The following TMEM26 variants were observed in gnomAD, a reference collection of about 807,000 sequenced individuals.
The protein encoded by TMEM26 is transmembrane protein 26.
TMEM26 carries 38 observed loss-of-function variants against 28.8 expected under a neutral mutation model. The observed-to-expected ratio is 1.32, with a 90% CI of 1.02 to 1.73. TMEM26 has a LOEUF of 1.73. TMEM26 is among the 40% of genes most tolerant of loss of function. The pLI is 0.00. For synonymous variants in TMEM26, 227 were observed against 182.9 expected (o/e 1.24, Z -1.95); for missense variants, 518 against 447.1 (o/e 1.16, Z -1.43).
At chr10:61,452,804 G>T (rs1278107217) in intron 1 of TMEM26, 87 bp downstream of exon 1, 2 of 1,459,574 alleles carry the variant, frequency 1.4e-6, no homozygotes, top group African/African-American at 1.4e-5. Flanking sequence ...AGTAGAATCT[G>T]CGGGTTGCGG....
intron 1 of TMEM26, among the ~76,000 whole-genome samples, chr10:61,440,931 A>G (rs183686282): frequency 6.6e-6 from 1 of 152,214 alleles, no homozygotes; most frequent in Non-Finnish European, 1.5e-5. Context: ...TAGTATTTGC[A>G]TATAACCTAT....
intron 4 of TMEM26, among the ~76,000 whole-genome samples, chr10:61,419,764 T>C (rs1022177606): frequency 3.3e-5 from 5 of 151,960 alleles, no homozygotes; most frequent in African/African-American, 1.2e-4. Flanking sequence ...GAGGAGAAAA[T>C]ATTTAGAGAA....
At chr10:61,423,503 A>G (rs1211999874) in intron 4 of TMEM26, among the ~76,000 whole-genome samples, 2 of 152,216 alleles carry the variant, frequency 1.3e-5, no homozygotes, top group Non-Finnish European at 2.9e-5. Flanking sequence ...TATCACTTTT[A>G]GAGGCTTAGG....
rs149745737 is a variant in TMEM26 at position 61,436,151 on chromosome 10, A to G, written c.270+19T>C. The G allele has an allele frequency of 2.0e-5, 31 of 1,528,578 alleles. No individual in the cohort carries two copies. The East Asian group carries it at 6.8e-4, about 33-fold the overall frequency. 94.7% of individuals were successfully genotyped at this position (1,528,578 alleles called of 1,614,324 possible). A position where few individuals can be genotyped will look rare whatever the true frequency, so the allele number is the denominator to read the frequency against. ...CTTATTGCTGAATAGGTCAATTCCT[A>G]CTTTCCAAAAAGAAGTACCTGGGTC... On this transcript the variant is annotated intron_variant, in intron 2 of 5. Transcript: ENST00000399298.
At chr10:61,428,663 C>T (rs1055533197) in intron 4 of TMEM26, among the ~76,000 whole-genome samples, 2 of 152,054 alleles carry the variant, frequency 1.3e-5, no homozygotes, top group Non-Finnish European at 1.5e-5. Flanking sequence ...GTCATGAAAA[C>T]ATGCAGAGCT....
At chr10:61,429,167 A>G in intron 3 of TMEM26, 21 bp from the exon 4 acceptor site, 2 of 1,597,028 alleles carry the variant, frequency 1.3e-6, no homozygotes, top group Admixed American at 1.7e-5. Flanking sequence ...GAAATGTCAT[A>G]CAGACAGGAT....
chr10:61,426,955 A>C, intron 4 of TMEM26, among the ~76,000 whole-genome samples: 1 of 151,998 alleles, frequency 6.6e-6, no homozygotes, highest in South Asian at 2.1e-4. Context: ...TATCCTTCCT[A>C]GGCTTTGACT....
At chr10:61,452,386 A>G (rs569700789) in intron 1 of TMEM26, among the ~76,000 whole-genome samples, 1 of 152,350 alleles carries the variant, frequency 6.6e-6, no homozygotes, top group African/African-American at 2.4e-5. Flanking sequence ...AGCGGATGAA[A>G]CCACAGACGT....
intron 2 of TMEM26, among the ~76,000 whole-genome samples, chr10:61,433,103 A>T (rs1486520395): frequency 6.6e-6 from 1 of 152,162 alleles, no homozygotes; most frequent in Admixed American, 6.5e-5. Context: ...TTACCACTAA[A>T]ATACTTAAAC....
At chr10:61,412,997 G>A (rs1839592684) in intron 5 of TMEM26, 2 of 1,268,058 alleles carry the variant, frequency 1.6e-6, no homozygotes, top group Non-Finnish European at 1.0e-6. Context: ...TAATACATGG[G>A]TCTGAAAAAA....
At position 61,413,553 on chromosome 10, in the gene TMEM26, T is replaced by C. The variant is rs1161859187; in HGVS notation, c.606-18A>G. The C allele has an allele frequency of 1.3e-6, 2 of 1,580,654 alleles. No individual in the cohort carries two copies. The highest frequency in any genetic ancestry group is 1.7e-6 in the Non-Finnish European group (2 of 1,166,822). ...GACTATTCCTAGAATACAGACAAAA[T>C]GTTAAATTTGTAATAAAAAGTATGA... On this transcript the variant is annotated intron_variant, in intron 4 of 5. Coordinates refer to ENST00000399298, the MANE Select transcript of TMEM26 (RefSeq NM_178505.8).
At position 61,407,216 on chromosome 10, in the gene TMEM26, C is replaced by T. The variant is rs989842923; in HGVS notation, c.*3106G>A. On this transcript the variant is annotated 3_prime_UTR_variant, in exon 6 of 6. Transcript: ENST00000399298. ...GATAGAAATCTTAAAGCATGTGCAC[C>T]TACAAATGCATGCCTTTCCAGAGCT... 1 of 152,076 alleles carries T rather than the reference C, an allele frequency of 6.6e-6. No homozygotes were observed. The allele number at this position is 152,076 out of a possible 1,614,324, so 9.4% of individuals were successfully genotyped here.
intron 1 of TMEM26, among the ~76,000 whole-genome samples, chr10:61,443,464 CAA>C (rs397845546): frequency 1.5e-5 from 2 of 130,960 alleles, no homozygotes. Flanking sequence ...GACTCCATCT[CAA>C]AAAAAAAAAA....
At chr10:61,442,625 A>T (rs960879323) in intron 1 of TMEM26, among the ~76,000 whole-genome samples, 5 of 152,218 alleles carry the variant, frequency 3.3e-5, no homozygotes, top group African/African-American at 1.2e-4. Context: ...TCAAAATCTC[A>T]TGTTAAGTGA....
intron 4 of TMEM26, among the ~76,000 whole-genome samples, chr10:61,416,540 A>G (rs1162921772): frequency 6.6e-6 from 1 of 152,064 alleles, no homozygotes; most frequent in Non-Finnish European, 1.5e-5. Flanking sequence ...CTCTTAGAAC[A>G]GCATGTGACA....
Position 61,452,962 on chromosome 10 carries a change from C to A in TMEM26, c.120G>T (p.Ala40=), listed in dbSNP as rs375586821. The A allele has an allele frequency of 3.7e-6, 6 of 1,613,930 alleles. No individual in the cohort carries two copies. Among genetic ancestry groups the A allele is most frequent in the East Asian group, 2.2e-5 (1 of 44,864 alleles). The change falls in exon 1 of 6, where the codon GCG becomes GCT. Residue 40 remains alanine, a synonymous_variant. Coordinates refer to ENST00000399298, the MANE Select transcript of TMEM26 (RefSeq NM_178505.8). The part of the protein sequence containing the change: ...VKKEPRYWLL[A]LLNLLLFLET... ...CCAGGAAGAGCAAGAGGTTGAGCAG[C>A]GCAAGCAGCCAGTACCGCGGCTCCT...
chr10:61,426,187 C>T (rs1398567224), intron 4 of TMEM26, among the ~76,000 whole-genome samples: 2 of 151,986 alleles, frequency 1.3e-5, no homozygotes, highest in Non-Finnish European at 1.5e-5. Flanking sequence ...AAAGAGCACA[C>T]ATTTTATAAT....
intron 1 of TMEM26, among the ~76,000 whole-genome samples, chr10:61,442,567 C>A (rs1273746289): frequency 6.6e-6 from 1 of 152,126 alleles, no homozygotes; most frequent in Non-Finnish European, 1.5e-5. Context: ...TCAATATTTT[C>A]TCCTCTACAA....
intron 4 of TMEM26, among the ~76,000 whole-genome samples, chr10:61,422,201 A>C (rs771326060): frequency 6.6e-6 from 1 of 152,160 alleles, no homozygotes; most frequent in Non-Finnish European, 1.5e-5. Context: ...CATTCCAACA[A>C]TTAGAATGAA....
Sources: allele counts gnomAD v4.1 joint callset (sites outside exome capture counted in the v4.1 genomes callset), GRCh38; gene constraint gnomAD v4.1.1; transcripts MANE v1.5; gene names NCBI Gene and HGNC (gene_info 2026-07-23, HGNC 2026-07-21).